Variants in CENPC observed in about 807,000 individuals in gnomAD.
CENPC encodes CENP-C 1.
Under a neutral mutation model 112.1 loss-of-function variants are expected in CENPC, and 63 were observed. The ratio of observed to expected loss-of-function variants is 0.56; its 90% CI spans 0.46 to 0.69. The LOEUF (loss-of-function observed/expected upper bound fraction) is 0.69. Ranked by LOEUF, CENPC falls within the 30% of genes least tolerant of loss-of-function variation. The pLI is 0.00. For missense variants in CENPC, 1,000 were observed against 1,103.8 expected, an observed-to-expected ratio of 0.91 and a Z score of 1.33; for synonymous variants, 333 against 367.6, an observed-to-expected ratio of 0.91 and a Z score of 1.08.
At chr4:67,514,890 C>T (rs1726014098) in intron 7 of CENPC, among the ~76,000 whole-genome samples, 1 of 151,780 alleles carries the variant, frequency 6.6e-6, no homozygotes, top group Non-Finnish European at 1.5e-5. Flanking sequence ...AATGACATCA[C>T]AAAAATTTAG....
At chr4:67,513,861 A>G (rs536892309) in intron 8 of CENPC, among the ~76,000 whole-genome samples, 1 of 152,158 alleles carries the variant, frequency 6.6e-6, no homozygotes, top group South Asian at 2.1e-4. Flanking sequence ...TGCCCTCTAT[A>G]TATACTGCCA....
At chr4:67,496,723 G>C (rs938321747) in intron 12 of CENPC, among the ~76,000 whole-genome samples, 5 of 152,278 alleles carry the variant, frequency 3.3e-5, no homozygotes, top group African/African-American at 9.6e-5. Flanking sequence ...GAAAGGAAAT[G>C]AAAGTCGGCT....
In CENPC at chr4:67,469,345, T is replaced by C. The variant is rs1432596544; in HGVS notation, c.*3260A>G. On this transcript the variant is annotated 3_prime_UTR_variant, in exon 19 of 19. Coordinates refer to ENST00000273853, the MANE Select transcript of CENPC (RefSeq NM_001812.4). ...ATTGGACAAAAGTGAAGGACGGTGATTCTTTTGTTTTCTTTTTTTGAGTCA... is the reference window on the plus strand; with the variant it reads ...ATTGGACAAAAGTGAAGGACGGTGACTCTTTTGTTTTCTTTTTTTGAGTCA... 3 of 152,056 alleles carry C rather than the reference T, an allele frequency of 2.0e-5. No homozygotes were observed. The highest frequency in any genetic ancestry group is 7.2e-5 in the African/African-American group (3 of 41,408). The allele number at this position is 152,056 out of a possible 1,614,324, so 9.4% of individuals were successfully genotyped here. A position where few individuals can be genotyped will look rare whatever the true frequency, so the allele number is the denominator to read the frequency against.
rs1361164795 is a variant in CENPC at position 67,514,644 on chromosome 4, G to A, written c.874C>T (p.Pro292Ser). 6.2e-7 allele frequency: 1 copy of A among 1,608,724 alleles called. No homozygotes were observed. Among genetic ancestry groups the A allele is most frequent in the Non-Finnish European group, 8.5e-7 (1 of 1,177,790 alleles). ...TCTATCAACTTCGTATCATCGGGAG[G>A]ACACGAATGAGGTGGAGCAGTTGCC... Reference protein sequence around the residue: ...HAATAPPHSCPPDDTKLIEDE... With the variant: ...HAATAPPHSCSPDDTKLIEDE... The change falls in exon 8 of 19, where the codon CCT becomes TCT. Residue 292 changes from proline (P) to serine (S), a missense_variant. Coordinates refer to ENST00000273853, the MANE Select transcript of CENPC (RefSeq NM_001812.4).
chr4:67,543,473 T>C (rs1274129470), intron 2 of CENPC, among the ~76,000 whole-genome samples: 1 of 152,190 alleles, frequency 6.6e-6, no homozygotes, highest in Non-Finnish European at 1.5e-5. Flanking sequence ...TAATTATATA[T>C]AGGCCTACTC....
At chr4:67,515,574 T>A (rs974760570) in intron 7 of CENPC, among the ~76,000 whole-genome samples, 1 of 151,872 alleles carries the variant, frequency 6.6e-6, no homozygotes, top group Non-Finnish European at 1.5e-5. Context: ...ACACAGACGG[T>A]TGAATGAATG....
In CENPC at chr4:67,519,422, T is replaced by C. The variant is rs763319946; in HGVS notation, c.412A>G (p.Ser138Gly). 19 of 1,611,580 alleles carry C rather than the reference T, an allele frequency of 1.2e-5. No individual in the cohort carries two copies. The highest frequency in any genetic ancestry group is 2.2e-5 in the South Asian group (2 of 90,698). Residue 138 changes from serine to glycine, a missense_variant, in exon 6 of 19, where the codon AGT becomes GGT. Physicochemically the swap from Ser to Gly is moderately conservative, Grantham distance 56. Coordinates refer to ENST00000273853, the MANE Select transcript of CENPC (RefSeq NM_001812.4). ...KNTPDSKKIS[S>G]RNINDHHSEA... ...CTGTGATGATCATTTATGTTTCTAC[T>C]TGATATTTTTTTCGAGTCAGGTGTA... is the stretch of plus-strand genomic sequence containing the variant.
chr4:67,516,855 T>C (rs1726071600), intron 7 of CENPC, among the ~76,000 whole-genome samples: 1 of 151,786 alleles, frequency 6.6e-6, no homozygotes, highest in Non-Finnish European at 1.5e-5. Context: ...AGAAAGACAA[T>C]CAAAAGGAAG....
chr4:67,486,036 G>A (rs961010515), intron 17 of CENPC, among the ~76,000 whole-genome samples: 1 of 152,052 alleles, frequency 6.6e-6, no homozygotes, highest in Non-Finnish European at 1.5e-5. Context: ...GACAAAAAAA[G>A]TTATTACATC....
Position 67,509,253 on chromosome 4 carries a change from C to T in CENPC, c.1613-148G>A, listed in dbSNP as rs943300174. ...ACACACACACACACACACACACACACACATCTCAGGCTAAATTTATTTCCA... is the reference window on the plus strand; with the variant it reads ...ACACACACACACACACACACACACATACATCTCAGGCTAAATTTATTTCCA... On this transcript the variant is annotated intron_variant, in intron 9 of 18. Transcript: ENST00000273853. The T allele has an allele frequency of 4.8e-5, 20 of 415,380 alleles. No individual in the cohort carries two copies. In the South Asian group the frequency reaches 5.8e-4, roughly 12 times the overall value. The allele number at this position is 415,380 out of a possible 1,614,324, so 25.7% of individuals were successfully genotyped here.
At chr4:67,500,509 T>C (rs942065810) in intron 12 of CENPC, among the ~76,000 whole-genome samples, 2 of 152,120 alleles carry the variant, frequency 1.3e-5, no homozygotes, top group Non-Finnish European at 2.9e-5. Flanking sequence ...GGAGCAGTAA[T>C]TGATCCCAGA....
At chr4:67,540,776 T>A (rs991918484) in intron 3 of CENPC, among the ~76,000 whole-genome samples, 5 of 152,238 alleles carry the variant, frequency 3.3e-5, no homozygotes, top group Non-Finnish European at 5.9e-5. Flanking sequence ...CAAATTATTG[T>A]CAAATTATTA....
chr4:67,523,270 G>C (rs562691388), intron 5 of CENPC, among the ~76,000 whole-genome samples: 1 of 151,148 alleles, frequency 6.6e-6, no homozygotes, highest in Admixed American at 6.6e-5. Flanking sequence ...CCGAGATCAC[G>C]CCACTGCATT....
chr4:67,486,273 C>G lies in CENPC; in HGVS notation c.2670+3694G>C, dbSNP rs1371783490. ...CAAGCCAGAGTCTACTATCCTCACT[C>G]CATCTTATTTCAAAATAAATGCCCA... On this transcript the variant is annotated intron_variant, in intron 17 of 18. Coordinates refer to ENST00000273853, the MANE Select transcript of CENPC (RefSeq NM_001812.4). 3.3e-5 allele frequency among the ~76,000 whole-genome samples: 5 copies of G among 152,226 alleles called. No homozygotes were observed. In the South Asian group the frequency reaches 1.0e-3, roughly 32 times the overall value.
intron 17 of CENPC, among the ~76,000 whole-genome samples, chr4:67,476,724 G>A (rs532146227): frequency 2.6e-5 from 4 of 152,316 alleles, no homozygotes; most frequent in South Asian, 4.1e-4. Context: ...GCAGCAAGGG[G>A]CAGGGCCTGA....
At chr4:67,493,218 G>A (rs538654558) in intron 14 of CENPC, among the ~76,000 whole-genome samples, 1 of 151,276 alleles carries the variant, frequency 6.6e-6, no homozygotes, top group Admixed American at 6.6e-5. Context: ...ATGATTAGAT[G>A]GTCCTATTGC....
At chr4:67,480,060 C>T (rs1724910887) in intron 17 of CENPC, among the ~76,000 whole-genome samples, 1 of 152,170 alleles carries the variant, frequency 6.6e-6, no homozygotes, top group Non-Finnish European at 1.5e-5. Flanking sequence ...TGGCTGATGC[C>T]TGTAATCCCA....
rs1327615030 is a variant in CENPC, at chr4:67,477,942, TAGA to T, written c.2671-2967_2671-2965del. Among the ~76,000 whole-genome samples, 7 of 150,916 alleles carry T rather than the reference TAGA, an allele frequency of 4.6e-5. No homozygotes were observed. The South Asian group carries it at 6.3e-4, about 14-fold the overall frequency. On this transcript the variant is annotated intron_variant, in intron 17 of 18. Coordinates refer to ENST00000273853, the MANE Select transcript of CENPC (RefSeq NM_001812.4). ...AGTTTTAACAATAGAATCGAACGAGTAGAAGAACTTCAGAGCTCAAAAACAAGG... is the reference window on the plus strand; with the variant it reads ...AGTTTTAACAATAGAATCGAACGAGTAGAACTTCAGAGCTCAAAAACAAGG...
chr4:67,517,559 C>T (rs1253740537), intron 7 of CENPC, among the ~76,000 whole-genome samples: 1 of 149,550 alleles, frequency 6.7e-6, no homozygotes, highest in African/African-American at 2.5e-5. Flanking sequence ...CATTGTCGGC[C>T]GGGTGCGGTG....
Sources: allele counts gnomAD v4.1 joint callset (sites outside exome capture counted in the v4.1 genomes callset), GRCh38; gene constraint gnomAD v4.1.1; transcripts MANE v1.5; gene names NCBI Gene and HGNC (gene_info 2026-07-23, HGNC 2026-07-21).